Variants in ST7L observed in about 807,000 individuals in gnomAD.
ST7L encodes the protein suppressor of tumorigenicity 7 protein-like.
ST7L carries 57 observed loss-of-function variants against 72.5 expected under a neutral mutation model. That is an observed-to-expected ratio of 0.79 (90% confidence interval 0.64 to 0.98). ST7L has a LOEUF of 0.98. ST7L is among the 50% of genes least tolerant of loss of function. The pLI is 0.00. For synonymous variants in ST7L, 221 were observed against 240.9 expected (o/e 0.92, Z 0.77); for missense variants, 576 against 672.2 (o/e 0.86, Z 1.58).
At chr1:112,598,162 T>C in intron 4 of ST7L, 76 bp from the exon 5 acceptor site, 1 of 987,398 alleles carries the variant, frequency 1.0e-6, no homozygotes, top group South Asian at 1.7e-5. Flanking sequence ...ACTACTTAAA[T>C]TCAAAAATGT....
At chr1:112,618,090 TAATGGA>T in intron 1 of ST7L, 1 of 1,302,994 alleles carries the variant, frequency 7.7e-7, no homozygotes, top group Non-Finnish European at 1.0e-6. Context: ...CTGAATCATG[TAATGGA>T]AATACTTATA....
At chr1:112,591,156 C>T (rs1190844371) in intron 6 of ST7L, among the ~76,000 whole-genome samples, 2 of 152,066 alleles carry the variant, frequency 1.3e-5, no homozygotes, top group African/African-American at 2.4e-5. Context: ...TGGTCTCGAT[C>T]TCCTGACCTC....
intron 8 of ST7L, 56 bp from the exon 9 acceptor site, chr1:112,582,162 C>T (rs1015337595): frequency 4.6e-6 from 6 of 1,306,014 alleles, no homozygotes; most frequent in African/African-American, 4.4e-5. Context: ...CTCAATAGAG[C>T]TGAGCCAGAT....
intron 6 of ST7L, among the ~76,000 whole-genome samples, chr1:112,591,164 C>T (rs564074876): frequency 7.2e-5 from 11 of 152,170 alleles, no homozygotes; most frequent in African/African-American, 2.4e-4. Flanking sequence ...ATCTCCTGAC[C>T]TCATGATCCG....
At chr1:112,598,795 C>T (rs1411594352) in intron 4 of ST7L, among the ~76,000 whole-genome samples, 2 of 151,080 alleles carry the variant, frequency 1.3e-5, no homozygotes, top group Non-Finnish European at 3.0e-5. Flanking sequence ...GGCTCACGCA[C>T]GCCTTAATCC....
At chr1:112,563,656 T>C (rs80042498) in intron 11 of ST7L, among the ~76,000 whole-genome samples, 3,661 of 152,274 alleles carry the variant, frequency 0.024, 65 homozygotes, top group Middle Eastern at 0.044. Flanking sequence ...ATTTAGCCTG[T>C]TGCTTTTCAC....
chr1:112,563,291 G>C (rs1660476090), intron 11 of ST7L, among the ~76,000 whole-genome samples: 1 of 152,050 alleles, frequency 6.6e-6, no homozygotes, highest in African/African-American at 2.4e-5. Context: ...TCAAAATATA[G>C]AAATAAATGA....
intron 13 of ST7L, 127 bp from the exon 14 acceptor site, chr1:112,542,217 G>A (rs1229857669): frequency 2.2e-6 from 2 of 910,702 alleles, no homozygotes; most frequent in African/African-American, 3.4e-5. Flanking sequence ...AAAGTCTCTG[G>A]CTAAGCAAGG....
At chr1:112,597,030 T>C (rs1347453177) in intron 5 of ST7L, among the ~76,000 whole-genome samples, 1 of 152,166 alleles carries the variant, frequency 6.6e-6, no homozygotes, top group African/African-American at 2.4e-5. Flanking sequence ...GAGAATATAG[T>C]CCCTGCTGTC....
chr1:112,522,284 C>G (rs879272457), downstream of ST7L: 17 of 152,398 alleles, frequency 1.1e-4, no homozygotes, highest in Admixed American at 9.1e-4. Flanking sequence ...CCCACTGCAG[C>G]CTTCCAAAGT....
At chr1:112,562,872 A>G (rs533383466) in intron 11 of ST7L, among the ~76,000 whole-genome samples, 1 of 152,216 alleles carries the variant, frequency 6.6e-6, no homozygotes, top group South Asian at 2.1e-4. Flanking sequence ...ATGAGTGAGG[A>G]ATCTGTTTTA....
chr1:112,529,595 A>T (rs1424900836), intron 14 of ST7L: 1 of 152,176 alleles, frequency 6.6e-6, no homozygotes, highest in Non-Finnish European at 1.5e-5. Context: ...AGAAGCTATT[A>T]TAAGATAGGC....
chr1:112,579,180 C>T (rs1391800887), intron 9 of ST7L, among the ~76,000 whole-genome samples: 2 of 151,770 alleles, frequency 1.3e-5, no homozygotes, highest in African/African-American at 4.8e-5. Context: ...GTCAGGAGTT[C>T]GAGACCAACC....
intron 13 of ST7L, among the ~76,000 whole-genome samples, chr1:112,544,483 T>C (rs866463733): frequency 6.6e-6 from 1 of 152,360 alleles, no homozygotes; most frequent in South Asian, 2.1e-4. Context: ...GTAGAGAACA[T>C]TGTGCTTTCA....
Position 112,555,896 on chromosome 1 carries a change from A to C in ST7L, c.1368T>G (p.Leu456=). ...CTTCCCATGTACACTGTAACAGATT[A>C]AGAGCACCTTCTATTCGTTTCCAGT... ...LQHWKRIEGA[L]NLLQCTWEGT... The change falls in exon 12 of 15, where the codon CTT becomes CTG. Residue 456 remains leucine, a synonymous_variant. Coordinates refer to ENST00000358039, the MANE Select transcript of ST7L (RefSeq NM_017744.5). 6.2e-7 allele frequency: 1 copy of C among 1,605,882 alleles called. No homozygotes were observed. Among genetic ancestry groups the C allele is most frequent in the South Asian group, 1.1e-5 (1 of 89,644 alleles).
At chr1:112,576,901 A>T (rs1438384520) in intron 11 of ST7L, 85 bp downstream of exon 11, 1 of 983,322 alleles carries the variant, frequency 1.0e-6, no homozygotes, top group Non-Finnish European at 1.5e-6. Context: ...GCACCAAATT[A>T]TGGTGACCCA....
intron 9 of ST7L, among the ~76,000 whole-genome samples, chr1:112,579,840 T>C (rs1329773393): frequency 6.6e-6 from 1 of 152,178 alleles, no homozygotes; most frequent in Non-Finnish European, 1.5e-5. Context: ...ATATGCTTTA[T>C]TAGTTTTAGT....
chr1:112,563,579 A>G (rs1326859313), intron 11 of ST7L, among the ~76,000 whole-genome samples: 1 of 152,204 alleles, frequency 6.6e-6, no homozygotes, highest in Non-Finnish European at 1.5e-5. Context: ...GTAATGAGAA[A>G]CTGCTTGGGA....
chr1:112,523,229 CTG>C (rs1652976432), downstream of ST7L: 1 of 152,228 alleles, frequency 6.6e-6, no homozygotes, highest in South Asian at 2.1e-4. Context: ...TCATGCTACT[CTG>C]TGCTTTTCCT....
Sources: allele counts gnomAD v4.1 joint callset (sites outside exome capture counted in the v4.1 genomes callset), GRCh38; gene constraint gnomAD v4.1.1; transcripts MANE v1.5; gene names NCBI Gene and HGNC (gene_info 2026-07-23, HGNC 2026-07-21).